Variants in TCAF1 observed in about 807,000 individuals in gnomAD.
TCAF1 encodes the protein TRPM8 channel associated factor 1, also known as TRPM8 channel-associated factor 1.
A neutral mutation model predicts 27.3 loss-of-function variants in TCAF1; 4 were observed. That is an observed-to-expected ratio of 0.15 (90% CI 0.07 to 0.34). The LOEUF (loss-of-function observed/expected upper bound fraction) is 0.34, where lower values mean the gene tolerates loss of function less well. Among genes scored for constraint, TCAF1 ranks in the 10% least tolerant of loss-of-function variants. The pLI is 1.00. For synonymous variants in TCAF1, 105 were observed against 167.1 expected (o/e 0.63, Z 2.87); for missense variants, 257 against 425.8 (o/e 0.60, Z 3.49).
At chr7:143,875,030 C>G in intron 2 of TCAF1, among the ~76,000 whole-genome samples, 1 of 152,130 alleles carries the variant, frequency 6.6e-6, no homozygotes, top group East Asian at 1.9e-4. Flanking sequence ...ACTAACTATT[C>G]TGGTTGATCT....
chr7:143,859,985 A>ATAATATATATTATG (rs1811877820), intron 6 of TCAF1, among the ~76,000 whole-genome samples: 5 of 22,106 alleles, frequency 2.3e-4, no homozygotes, highest in Non-Finnish European at 3.2e-4. Flanking sequence ...TATATATTAT[A>ATAATATATATTATG]TAATATATAT....
intron 1 of TCAF1, among the ~76,000 whole-genome samples, chr7:143,890,965 C>T (rs1050371161): frequency 3.9e-5 from 6 of 152,048 alleles, no homozygotes; most frequent in African/African-American, 1.5e-4. Context: ...AGTTTATGCC[C>T]CAACAAAAAG....
intron 1 of TCAF1, among the ~76,000 whole-genome samples, chr7:143,889,957 T>C (rs777815274): frequency 3.9e-5 from 6 of 152,138 alleles, no homozygotes; most frequent in Admixed American, 6.5e-5. Context: ...CTGACTTCGT[T>C]TCCTAATCTC....
intron 1 of TCAF1, among the ~76,000 whole-genome samples, chr7:143,888,728 T>C (rs1813524637): frequency 6.6e-6 from 1 of 152,218 alleles, no homozygotes; most frequent in Non-Finnish European, 1.5e-5. Context: ...TTAATGTATC[T>C]AGAAATAATT....
At position 143,859,862 on chromosome 7, in the gene TCAF1, T is replaced by TACATATATATATATATATAC. The variant is rs377600497; in HGVS notation, c.2167+345_2167+346insGTATATATATATATATATGT. 9.6e-4 allele frequency among the ~76,000 whole-genome samples: 62 copies of TACATATATATATATATATAC among 64,686 alleles called. 2 individuals are homozygous for TACATATATATATATATATAC. The highest frequency in any genetic ancestry group is 4.3e-3 in the African/African-American group (59 of 13,806). The allele number at this position is 64,686 out of a possible 152,430, so 42.4% of individuals were successfully genotyped here. A position where few individuals can be genotyped will look rare whatever the true frequency, so the allele number is the denominator to read the frequency against. On this transcript the variant is annotated intron_variant, in intron 6 of 8. Coordinates refer to ENST00000479870, the MANE Select transcript of TCAF1 (RefSeq NM_014719.3). ...ACATGCTGACCTAAACTGTTTTATATACACATATACATATATACATATATA... is the reference window on the plus strand; with the variant it reads ...ACATGCTGACCTAAACTGTTTTATATACATATATATATATATATACACACATATACATATATACATATATA...
intron 1 of TCAF1, among the ~76,000 whole-genome samples, chr7:143,893,291 GAAGAA>G (rs1279054112): frequency 2.0e-5 from 3 of 151,992 alleles, no homozygotes; most frequent in African/African-American, 7.2e-5. Flanking sequence ...AATAATAAAA[GAAGAA>G]AAGACAAGTC....
At chr7:143,882,525 G>A (rs1813116775) in intron 1 of TCAF1, 14 of 985,278 alleles carry the variant, frequency 1.4e-5, no homozygotes, top group Non-Finnish European at 1.6e-5. Context: ...CAAGCGCAGA[G>A]GAAAATCACC....
chr7:143,879,125 T>A (rs910999340), intron 1 of TCAF1, among the ~76,000 whole-genome samples: 4 of 152,180 alleles, frequency 2.6e-5, no homozygotes, highest in African/African-American at 7.2e-5. Context: ...TGTTTTCATT[T>A]TAGATTATCT....
chr7:143,874,987 T>A (rs1305408206), intron 2 of TCAF1, among the ~76,000 whole-genome samples: 3 of 152,190 alleles, frequency 2.0e-5, no homozygotes, highest in Non-Finnish European at 4.4e-5. Flanking sequence ...GCTAAAATGA[T>A]ACGAGTCATC....
In TCAF1 at chr7:143,860,036, TAATATATAA is replaced by T. The variant is rs1187314631; in HGVS notation, c.2167+163_2167+171del. Among the ~76,000 whole-genome samples the T allele has an allele frequency of 2.6e-3, 190 of 74,364 alleles. 36 individuals are homozygous for T. Among genetic ancestry groups the T allele is most frequent in the Middle Eastern group, 5.4e-3 (1 of 186 alleles). 48.8% of individuals were successfully genotyped at this position (74,364 alleles called of 152,430 possible). The stretch of plus-strand genomic sequence containing the variant: ...TAATATATATTATATATTATATATA[TAATATATAA>T]TATATATTATATATATTTCCTTCCC... On this transcript the variant is annotated intron_variant, in intron 6 of 8. Transcript: ENST00000479870.
At position 143,852,863 on chromosome 7, in the gene TCAF1, AT is replaced by A. The variant is rs1811389888; in HGVS notation, c.*1269del. On this transcript the variant is annotated 3_prime_UTR_variant, in exon 9 of 9. Coordinates refer to ENST00000479870, the MANE Select transcript of TCAF1 (RefSeq NM_014719.3). ...CTGTTCTTCAATTCTTTTTCTTTTT[AT>A]TTCTTCACCTACACTGTCTCTGTTC... The A allele has an allele frequency of 6.8e-6, 1 of 146,596 alleles. No individual in the cohort carries two copies. Among genetic ancestry groups the A allele is most frequent in the Non-Finnish European group, 1.5e-5 (1 of 66,910 alleles). 9.1% of individuals were successfully genotyped at this position (146,596 alleles called of 1,614,324 possible). A position where few individuals can be genotyped will look rare whatever the true frequency, so the allele number is the denominator to read the frequency against.
intron 1 of TCAF1, among the ~76,000 whole-genome samples, chr7:143,879,183 C>T (rs191008967): frequency 9.1e-4 from 139 of 152,264 alleles, no homozygotes; most frequent in African/African-American, 3.0e-3. Flanking sequence ...TTTCTATCTA[C>T]GGAAATCCTG....
chr7:143,870,458 T>C (rs1812403124), intron 2 of TCAF1, among the ~76,000 whole-genome samples: 1 of 147,510 alleles, frequency 6.8e-6, no homozygotes, highest in Admixed American at 6.8e-5. Context: ...CCTTTGTAAT[T>C]TCTGCTTTGA....
chr7:143,882,331 C>A, intron 1 of TCAF1: 1 of 917,222 alleles, frequency 1.1e-6, no homozygotes, highest in Non-Finnish European at 1.3e-6. Flanking sequence ...ACAAGTAATG[C>A]TCTGTCACCA....
chr7:143,879,599 A>G (rs1812907106), intron 1 of TCAF1, among the ~76,000 whole-genome samples: 2 of 152,248 alleles, frequency 1.3e-5, no homozygotes, highest in African/African-American at 4.8e-5. Flanking sequence ...GAAGGGCAGT[A>G]TCAAAGATAT....
At chr7:143,900,535 C>A (rs1814070251) in intron 1 of TCAF1, among the ~76,000 whole-genome samples, 1 of 152,044 alleles carries the variant, frequency 6.6e-6, no homozygotes, top group South Asian at 2.1e-4. Flanking sequence ...TACGCCTAGC[C>A]TTGAGATGAC....
chr7:143,883,989 G>A (rs1813253862), intron 1 of TCAF1, among the ~76,000 whole-genome samples: 1 of 152,066 alleles, frequency 6.6e-6, no homozygotes, highest in Non-Finnish European at 1.5e-5. Flanking sequence ...GTGACTTTGG[G>A]GAAGTTACCT....
chr7:143,895,649 T>G (rs1813838787), intron 1 of TCAF1, among the ~76,000 whole-genome samples: 1 of 151,588 alleles, frequency 6.6e-6, no homozygotes, highest in African/African-American at 2.4e-5. Flanking sequence ...TTTTTTTTTG[T>G]AAAAAGAAAA....
intron 1 of TCAF1, among the ~76,000 whole-genome samples, chr7:143,887,112 T>C (rs1219716866): frequency 6.6e-6 from 1 of 152,114 alleles, no homozygotes; most frequent in East Asian, 1.9e-4. Context: ...TACTTCCCCT[T>C]GAGTTTGTTT....
Sources: allele counts gnomAD v4.1 joint callset (sites outside exome capture counted in the v4.1 genomes callset), GRCh38; gene constraint gnomAD v4.1.1; transcripts MANE v1.5; gene names NCBI Gene and HGNC (gene_info 2026-07-23, HGNC 2026-07-21).